The following EXOC4 variants were observed in gnomAD, a reference collection of about 807,000 sequenced individuals.
EXOC4 encodes SEC8-like 1.
In EXOC4, 71 loss-of-function variants were observed where a neutral mutation model predicts 107.2. The ratio of observed to expected loss-of-function variants is 0.66; its 90% confidence interval spans 0.55 to 0.81. The LOEUF is 0.81. EXOC4 is among the 30% of genes least tolerant of loss of function. The probability of loss-of-function intolerance (pLI) is 0.00; values close to 1 mark genes in which losing one functional copy is unlikely to be tolerated. For missense variants in EXOC4, 1,108 were observed against 1,189.6 expected (o/e 0.93, Z 1.01); for synonymous variants, 456 against 441.2 (o/e 1.03, Z -0.42).
At chr7:134,049,603 A>G (rs1795733828) in intron 17 of EXOC4, among the ~76,000 whole-genome samples, 1 of 152,176 alleles carries the variant, frequency 6.6e-6, no homozygotes, top group South Asian at 2.1e-4. Context: ...AGAAACCTAC[A>G]GCCCTTCCTG....
chr7:134,049,862 G>A (rs77183025), intron 17 of EXOC4, among the ~76,000 whole-genome samples: 2,265 of 152,280 alleles, frequency 0.015, 25 homozygotes, highest in Non-Finnish European at 0.023. Flanking sequence ...AAGCAGTGAG[G>A]ATGATACAAA....
At chr7:133,568,087 A>T (rs1397974671) in intron 9 of EXOC4, among the ~76,000 whole-genome samples, 1 of 152,228 alleles carries the variant, frequency 6.6e-6, no homozygotes, top group Non-Finnish European at 1.5e-5. Flanking sequence ...TCTGATATGT[A>T]AAAATGTTTT....
rs1252494323 is a variant in EXOC4, at chr7:133,356,597, T to C, written c.1007+24T>C. 3 of 1,612,292 alleles carry C rather than the reference T, an allele frequency of 1.9e-6. No homozygotes were observed. In the South Asian group the frequency reaches 3.3e-5, roughly 18 times the overall value. On this transcript the variant is annotated intron_variant, in intron 6 of 17. Coordinates refer to ENST00000253861, the MANE Select transcript of EXOC4 (RefSeq NM_021807.4). ...AGGTAGGTGGGAGTGTATTTTGTAT[T>C]TTTGACAACTCTATTTATTGCACAT...
intron 12 of EXOC4, among the ~76,000 whole-genome samples, chr7:133,902,616 G>A (rs926891579): frequency 2.0e-5 from 3 of 152,128 alleles, no homozygotes; most frequent in Admixed American, 6.5e-5. Flanking sequence ...CACTTTGGGA[G>A]GCCGAGGGCA....
intron 10 of EXOC4, among the ~76,000 whole-genome samples, chr7:133,678,347 A>G (rs916814412): frequency 2.0e-5 from 3 of 152,198 alleles, no homozygotes; most frequent in African/African-American, 4.8e-5. Flanking sequence ...GTAAAACACA[A>G]TGTAAGTATG....
intron 16 of EXOC4, among the ~76,000 whole-genome samples, chr7:134,006,420 C>T (rs187092323): frequency 3.9e-5 from 6 of 152,236 alleles, no homozygotes; most frequent in Admixed American, 6.5e-5. Context: ...GTAGAATCTG[C>T]AGTTGTGTTT....
At chr7:133,829,674 G>C (rs1171061638) in intron 11 of EXOC4, among the ~76,000 whole-genome samples, 1 of 152,194 alleles carries the variant, frequency 6.6e-6, no homozygotes, top group Non-Finnish European at 1.5e-5. Flanking sequence ...GCCCTCAAAG[G>C]CATGACCAAA....
At chr7:133,963,524 A>C (rs1800993744) in intron 14 of EXOC4, among the ~76,000 whole-genome samples, 1 of 152,210 alleles carries the variant, frequency 6.6e-6, no homozygotes, top group Non-Finnish European at 1.5e-5. Flanking sequence ...AGTGAAAGGA[A>C]AGTGACAAAT....
intron 10 of EXOC4, among the ~76,000 whole-genome samples, chr7:133,762,202 A>G (rs1796046729): frequency 1.3e-5 from 2 of 152,188 alleles, no homozygotes; most frequent in African/African-American, 2.4e-5. Context: ...TGAGTGATAC[A>G]GCTTCAGAAT....
intron 11 of EXOC4, among the ~76,000 whole-genome samples, chr7:133,869,205 T>A (rs1036897179): frequency 6.6e-6 from 1 of 151,850 alleles, no homozygotes; most frequent in Non-Finnish European, 1.5e-5. Flanking sequence ...TCTGTCCTCT[T>A]CAAGAAGACT....
intron 9 of EXOC4, among the ~76,000 whole-genome samples, chr7:133,618,921 C>T (rs1393292605): frequency 6.6e-6 from 1 of 152,070 alleles, no homozygotes; most frequent in Non-Finnish European, 1.5e-5. Flanking sequence ...ATGCCTCTAG[C>T]AATTGTAATT....
At chr7:133,549,499 A>G (rs1313837334) in intron 9 of EXOC4, among the ~76,000 whole-genome samples, 10 of 152,174 alleles carry the variant, frequency 6.6e-5, no homozygotes, top group Non-Finnish European at 1.5e-4. Context: ...GCAGTCTTGT[A>G]TGAGTGTGGT....
Position 133,941,243 on chromosome 7 carries a change from C to T in EXOC4, c.2206+3174C>T, listed in dbSNP as rs1349512120. 9.2e-5 allele frequency among the ~76,000 whole-genome samples: 14 copies of T among 152,106 alleles called. 1 individual carries two copies. The highest frequency in any genetic ancestry group is 3.4e-3 in the Middle Eastern group (1 of 294). The stretch of plus-strand genomic sequence containing the variant: ...CGAACTCCTGATCTCGTGATCCGCC[C>T]GCCTCGGCCTCCCAAAGTGCTGGGA... On this transcript the variant is annotated intron_variant, in intron 14 of 17. Transcript: ENST00000253861.
chr7:133,386,959 A>G (rs1796741184), intron 7 of EXOC4, among the ~76,000 whole-genome samples: 1 of 152,168 alleles, frequency 6.6e-6, no homozygotes, highest in Non-Finnish European at 1.5e-5. Flanking sequence ...TCTATTTTAA[A>G]TGTATGTATA....
At chr7:133,488,752 A>C (rs1799316643) in intron 9 of EXOC4, among the ~76,000 whole-genome samples, 1 of 152,064 alleles carries the variant, frequency 6.6e-6, no homozygotes, top group South Asian at 2.1e-4. Flanking sequence ...CATAGAAAGA[A>C]GGATGGATAT....
intron 7 of EXOC4, among the ~76,000 whole-genome samples, chr7:133,380,851 G>A (rs750229568): frequency 6.6e-6 from 1 of 152,170 alleles, no homozygotes; most frequent in Non-Finnish European, 1.5e-5. Flanking sequence ...CTAATGAAAG[G>A]TGAGAGGTCT....
intron 1 of EXOC4, among the ~76,000 whole-genome samples, chr7:133,264,004 G>C (rs1488410575): frequency 1.3e-5 from 2 of 152,078 alleles, no homozygotes; most frequent in Admixed American, 6.6e-5. Flanking sequence ...TTGTTTCTGA[G>C]GAACTCACCA....
chr7:133,837,889 C>G (rs1797950020), intron 11 of EXOC4, among the ~76,000 whole-genome samples: 1 of 152,158 alleles, frequency 6.6e-6, no homozygotes, highest in South Asian at 2.1e-4. Context: ...AATGTAAATA[C>G]AGTAGAGCAG....
chr7:133,308,981 G>A (rs185707608), intron 4 of EXOC4, among the ~76,000 whole-genome samples: 1 of 152,218 alleles, frequency 6.6e-6, no homozygotes, highest in Non-Finnish European at 1.5e-5. Flanking sequence ...GAATGGGGAG[G>A]TCATTAATTT....
Sources: allele counts gnomAD v4.1 joint callset (sites outside exome capture counted in the v4.1 genomes callset), GRCh38; gene constraint gnomAD v4.1.1; transcripts MANE v1.5; gene names NCBI Gene and HGNC (gene_info 2026-07-23, HGNC 2026-07-21).